Variants in DIP2A observed in about 807,000 individuals in gnomAD.
The protein encoded by DIP2A is disco-interacting protein 2 homolog A.
Under a neutral mutation model 177.4 loss-of-function variants are expected in DIP2A, and 85 were observed. That is an observed-to-expected ratio of 0.48 (90% CI 0.40 to 0.57). The LOEUF is 0.57. DIP2A is among the 20% of genes least tolerant of loss of function. The pLI, the probability that DIP2A is intolerant of heterozygous loss-of-function variation, is 0.00. For missense variants in DIP2A, 1,791 were observed against 2,100.2 expected, an observed-to-expected ratio of 0.85 and a Z score of 2.88; for synonymous variants, 886 against 881.8, an observed-to-expected ratio of 1.00 and a Z score of -0.08.
intron 23 of DIP2A, 41 bp downstream of exon 23, chr21:46,550,785 G>A (rs1471944644): frequency 4.4e-6 from 7 of 1,599,536 alleles, no homozygotes; most frequent in Non-Finnish European, 6.0e-6. Context: ...TAGTCTAACA[G>A]TGGTAACAGC....
At position 46,533,655 on chromosome 21, in the gene DIP2A, C is replaced by T. The variant is rs751198493; in HGVS notation, c.1429+8C>T. The T allele has an allele frequency of 9.3e-6, 15 of 1,613,974 alleles. No individual in the cohort carries two copies. The highest frequency in any genetic ancestry group is 1.7e-5 in the Admixed American group (1 of 60,028). Reference sequence around the variant, plus strand: ...AGGTGGCAGCTTTCAAAGGTGAGGCCTCCCAAGGGAAGGGGAGTCAGTGTT... The same window carrying T: ...AGGTGGCAGCTTTCAAAGGTGAGGCTTCCCAAGGGAAGGGGAGTCAGTGTT... On this transcript the variant is annotated splice_region_variant and intron_variant, in intron 11 of 37. Coordinates refer to ENST00000417564, the MANE Select transcript of DIP2A (RefSeq NM_015151.4).
intron 1 of DIP2A, among the ~76,000 whole-genome samples, chr21:46,470,323 T>C (rs112871305): frequency 0.019 from 2,833 of 151,698 alleles, 33 homozygotes; most frequent in Non-Finnish European, 0.026. Flanking sequence ...AAAAATACAA[T>C]ATTAGCCAGG....
In DIP2A at chr21:46,554,830, G is replaced by C. The variant is rs1215150486; in HGVS notation, c.3285G>C (p.Lys1095Asn). 2 of 1,336,102 alleles carry C rather than the reference G, an allele frequency of 1.5e-6. No individual in the cohort carries two copies. The highest frequency in any genetic ancestry group is 2.0e-6 in the Non-Finnish European group (2 of 1,021,458). The allele number at this position is 1,336,102 out of a possible 1,614,324, so 82.8% of individuals were successfully genotyped here. A position where few individuals can be genotyped will look rare whatever the true frequency, so the allele number is the denominator to read the frequency against. ...GGCCCCTCGCCATGCAGGTCAGCAAGTCTGCATGCGTCCTCACCACGCAGG... is the reference window on the plus strand; with the variant it reads ...GGCCCCTCGCCATGCAGGTCAGCAACTCTGCATGCGTCCTCACCACGCAGG... ...PTVKMIVEVS[K>N]SACVLTTQAV... The change falls in exon 28 of 38, where the codon AAG becomes AAC. Residue 1095 changes from lysine to asparagine, a missense_variant. Lys to Asn is a moderately conservative substitution (Grantham distance 94). Transcript: ENST00000417564.
At chr21:46,461,271 C>CAAGAAAAAAAAAAA (rs2054279417) in intron 1 of DIP2A, among the ~76,000 whole-genome samples, 1 of 49,312 alleles carries the variant, frequency 2.0e-5, no homozygotes, top group Non-Finnish European at 3.4e-5. Context: ...CTCTTCTCAC[C>CAAGAAAAAAAAAAA]AAAAAAAAAA....
intron 21 of DIP2A, 44 bp downstream of exon 21, chr21:46,547,086 T>C: frequency 6.3e-7 from 1 of 1,597,212 alleles, no homozygotes. Flanking sequence ...ATTCCTTCAT[T>C]TGCAGCTCGG....
chr21:46,567,800 T>G lies in DIP2A; in HGVS notation c.*178T>G, dbSNP rs2148929834. On this transcript the variant is annotated 3_prime_UTR_variant, in exon 38 of 38. Coordinates refer to ENST00000417564, the MANE Select transcript of DIP2A (RefSeq NM_015151.4). ...GCACTTCCTGAATTATTTAAAGAAA[T>G]ATTTTGAATCTGCCAAGTACATTTA... 1 of 703,062 alleles carries G rather than the reference T, an allele frequency of 1.4e-6. No homozygotes were observed. The highest frequency in any genetic ancestry group is 3.2e-5 in the South Asian group (1 of 31,360). 43.6% of individuals were successfully genotyped at this position (703,062 alleles called of 1,614,324 possible). A position where few individuals can be genotyped will look rare whatever the true frequency, so the allele number is the denominator to read the frequency against.
intron 6 of DIP2A, among the ~76,000 whole-genome samples, chr21:46,506,094 A>G (rs1383546013): frequency 6.6e-6 from 1 of 152,154 alleles, no homozygotes; most frequent in Non-Finnish European, 1.5e-5. Flanking sequence ...TAGAAGTAGA[A>G]TGGCTGAATT....
intron 23 of DIP2A, 57 bp from the exon 24 acceptor site, chr21:46,551,577 G>A (rs1038367814): frequency 3.9e-5 from 55 of 1,403,184 alleles, no homozygotes; most frequent in Admixed American, 5.9e-5. Flanking sequence ...ATAAAATCAC[G>A]TGATGTTTAT....
chr21:46,514,617 CTTTTTTTTTTTTT>C (rs752628688), intron 8 of DIP2A, among the ~76,000 whole-genome samples: 1 of 70,526 alleles, frequency 1.4e-5, no homozygotes, highest in Non-Finnish European at 2.5e-5. Flanking sequence ...AACTTTTATT[CTTTTTTTTTTTTT>C]TTTTTTTTTT....
chr21:46,547,785 C>T (rs1043633489), intron 21 of DIP2A, among the ~76,000 whole-genome samples: 1 of 151,086 alleles, frequency 6.6e-6, no homozygotes, highest in African/African-American at 2.4e-5. Flanking sequence ...GTCCTCTTAC[C>T]GCACCTCCTG....
chr21:46,500,514 G>T (rs1468473737), intron 5 of DIP2A, among the ~76,000 whole-genome samples: 8 of 152,204 alleles, frequency 5.3e-5, no homozygotes, highest in Non-Finnish European at 1.5e-5. Context: ...TGAGGCAGGG[G>T]CAGGAAAACA....
In DIP2A at chr21:46,565,745, G is replaced by A. The variant is rs201956099; in HGVS notation, c.4197G>A (p.Gly1399=). 4.8e-5 allele frequency: 77 copies of A among 1,613,940 alleles called. No individual in the cohort carries two copies. The highest frequency in any genetic ancestry group is 4.1e-4 in the African/African-American group (31 of 75,040). The change falls in exon 36 of 38, where the codon GGG becomes GGA. Residue 1399 remains glycine (G), a synonymous_variant. Transcript: ENST00000417564. ...IWVSSPHNAT[G]YYTVYGEEAL... ...TAAGCAGCCCCCACAATGCCACCGG[G>A]TACTACACCGTTTACGGGGAGGAGG...
Position 46,498,774 on chromosome 21 carries a change from C to A in DIP2A, c.596C>A (p.Ala199Asp), listed in dbSNP as rs1394417364. ...GRPTTAPSAA[A>D]TPGAAATTAL... ...CCCACCACTGCTCCCAGTGCTGCAG[C>A]CACGCCGGGGGCCGCCGCTACCACT... Residue 199 changes from alanine to aspartate, a missense_variant, in exon 5 of 38, where the codon GCC becomes GAC. Coordinates refer to ENST00000417564, the MANE Select transcript of DIP2A (RefSeq NM_015151.4). The surrounding 1 kb of genome is among the most constrained non-coding windows in gnomAD (Gnocchi z 4.3). 6.2e-7 allele frequency: 1 copy of A among 1,613,652 alleles called. No individual in the cohort carries two copies. Among genetic ancestry groups the A allele is most frequent in the Non-Finnish European group, 8.5e-7 (1 of 1,179,866 alleles).
At chr21:46,549,935 C>T (rs1415723286) in intron 22 of DIP2A, 50 bp downstream of exon 22, 4 of 1,600,826 alleles carry the variant, frequency 2.5e-6, no homozygotes, top group African/African-American at 1.3e-5. Flanking sequence ...CAAGCTGGCA[C>T]CCCCACTCCA....
chr21:46,561,614 C>A, intron 33 of DIP2A, 134 bp from the exon 34 acceptor site: 2 of 1,165,178 alleles, frequency 1.7e-6, no homozygotes, highest in Non-Finnish European at 1.3e-6. Flanking sequence ...GGCAGGTGTG[C>A]TGTGGAAAGG....
intron 8 of DIP2A, among the ~76,000 whole-genome samples, chr21:46,517,375 G>A (rs531643158): frequency 6.6e-6 from 1 of 152,158 alleles, no homozygotes; most frequent in East Asian, 1.9e-4. Context: ...ACCATGCCTG[G>A]CCTTTTTGAT....
chr21:46,462,433 G>A (rs1162818431), intron 1 of DIP2A: 1 of 152,190 alleles, frequency 6.6e-6, no homozygotes, highest in Non-Finnish European at 1.5e-5. Flanking sequence ...TTAGTTAGCT[G>A]TAAAAGGGGG....
In DIP2A at chr21:46,541,772, G is replaced by GGGCCACCTGATCTGGGAA. The variant is rs1223326952; in HGVS notation, c.2054_2055insGCCACCTGATCTGGGAAG (p.Pro687_Pro688insAspLeuGlyArgProPro). ...ATTTTCTAGGCCACCTGATCTGGGA[G>GGGCCACCTGATCTGGGAA]GACCACCTCCAAGAAAAGCAGTCCT... On this transcript the variant is annotated inframe_insertion, in exon 18 of 38. Transcript: ENST00000417564. 6.2e-7 allele frequency: 1 copy of GGGCCACCTGATCTGGGAA among 1,613,820 alleles called. No homozygotes were observed. The highest frequency in any genetic ancestry group is 8.5e-7 in the Non-Finnish European group (1 of 1,179,882).
At chr21:46,463,492 A>G (rs2054500121) in intron 1 of DIP2A, among the ~76,000 whole-genome samples, 1 of 152,184 alleles carries the variant, frequency 6.6e-6, no homozygotes, top group Non-Finnish European at 1.5e-5. Flanking sequence ...ATTCTGGTTA[A>G]TAGGTCTATT....
Sources: allele counts gnomAD v4.1 joint callset (sites outside exome capture counted in the v4.1 genomes callset), GRCh38; gene constraint gnomAD v4.1.1; non-coding constraint Gnocchi (gnomAD v3.1); transcripts MANE v1.5; gene names NCBI Gene and HGNC (gene_info 2026-07-23, HGNC 2026-07-21).